Variants in CORO1C observed in about 807,000 individuals in gnomAD.
The protein encoded by CORO1C is coronin 1C, also known as coronin-1C.
CORO1C carries 14 observed loss-of-function variants against 51.2 expected under a neutral mutation model. The observed-to-expected ratio is 0.27, with a 90% CI of 0.18 to 0.43. The LOEUF (loss-of-function observed/expected upper bound fraction) is 0.43. Ranked by LOEUF, CORO1C falls within the 20% of genes least tolerant of loss-of-function variation. The pLI, the probability that CORO1C is intolerant of heterozygous loss-of-function variation, is 1.00. For missense variants in CORO1C, 417 were observed against 607.8 expected (o/e 0.69, Z 3.30); for synonymous variants, 181 against 210.5 (o/e 0.86, Z 1.21).
At chr12:108,648,893 GC>G (rs1318108823) in intron 9 of CORO1C, 43 bp from the exon 10 acceptor site, 5 of 1,612,270 alleles carry the variant, frequency 3.1e-6, no homozygotes, top group Non-Finnish European at 4.2e-6. Flanking sequence ...AAGAAGAAAG[GC>G]CTGGGATTTT....
chr12:108,695,767 A>G (rs987123486), intron 2 of CORO1C, among the ~76,000 whole-genome samples: 15 of 150,892 alleles, frequency 9.9e-5, no homozygotes. Flanking sequence ...TAAAGTCCTA[A>G]TGCTCTAATA....
chr12:108,703,422 A>T (rs2136867801), intron 1 of CORO1C, among the ~76,000 whole-genome samples: 1 of 152,344 alleles, frequency 6.6e-6, no homozygotes, highest in South Asian at 2.1e-4. Flanking sequence ...AAGCAGGTAA[A>T]AACATGAAAG....
chr12:108,729,364 T>C (rs1372913107), intron 1 of CORO1C, among the ~76,000 whole-genome samples: 1 of 152,082 alleles, frequency 6.6e-6, no homozygotes, highest in African/African-American at 2.4e-5. Context: ...AAAAAGTCAA[T>C]ATTGTGTGCA....
chr12:108,660,176 G>A (rs2033195898), intron 4 of CORO1C, among the ~76,000 whole-genome samples: 1 of 152,152 alleles, frequency 6.6e-6, no homozygotes, highest in Admixed American at 6.5e-5. Context: ...AACTGGCCGG[G>A]CACGGTGGCT....
intron 1 of CORO1C, among the ~76,000 whole-genome samples, chr12:108,705,744 C>G (rs2035010747): frequency 6.6e-6 from 1 of 151,944 alleles, no homozygotes; most frequent in Non-Finnish European, 1.5e-5. Flanking sequence ...CGAAATCAAG[C>G]AACACAGAAA....
At chr12:108,723,608 C>A (rs1406175501) in intron 1 of CORO1C, among the ~76,000 whole-genome samples, 1 of 152,200 alleles carries the variant, frequency 6.6e-6, no homozygotes, top group East Asian at 1.9e-4. Context: ...GGACCCACAC[C>A]CAGTTCCACA....
intron 3 of CORO1C, among the ~76,000 whole-genome samples, chr12:108,669,013 T>G (rs1363459214): frequency 6.6e-6 from 1 of 152,188 alleles, no homozygotes; most frequent in African/African-American, 2.4e-5. Context: ...GGAGTACAAT[T>G]TACACAACTG....
In CORO1C at chr12:108,702,826, C is replaced by T. The variant is rs146022156; in HGVS notation, c.-5-1503G>A. ...CAACGCATGTGTGAAAGTGGCCTCT[C>T]TCCAATGCTGGGGGCATGTAGCCGG... On this transcript the variant is annotated intron_variant, in intron 1 of 10. Coordinates refer to ENST00000261401, the MANE Select transcript of CORO1C (RefSeq NM_014325.4). 656 of 1,534,460 alleles carry T rather than the reference C, an allele frequency of 4.3e-4. 3 individuals carry two copies. The African/African-American group carries it at 8.2e-3, about 19-fold the overall frequency.
intron 4 of CORO1C, among the ~76,000 whole-genome samples, chr12:108,660,333 C>T (rs965458152): frequency 6.6e-6 from 1 of 151,890 alleles, no homozygotes; most frequent in African/African-American, 2.4e-5. Flanking sequence ...TGCCTGTAGT[C>T]CCAGCTACTT....
chr12:108,701,358 T>G, intron 1 of CORO1C, 35 bp from the exon 2 acceptor site: 3 of 1,613,368 alleles, frequency 1.9e-6, no homozygotes, highest in African/African-American at 1.3e-5. Flanking sequence ...GTTAGAATTA[T>G]GCACCAAACT....
At chr12:108,718,164 T>C (rs930691344) in intron 1 of CORO1C, among the ~76,000 whole-genome samples, 1 of 152,168 alleles carries the variant, frequency 6.6e-6, no homozygotes, top group South Asian at 2.1e-4. Flanking sequence ...CCACCCTGGC[T>C]AACACGTTAA....
At chr12:108,651,440 T>C (rs2032650268) in intron 8 of CORO1C, among the ~76,000 whole-genome samples, 1 of 152,310 alleles carries the variant, frequency 6.6e-6, no homozygotes, top group Admixed American at 6.5e-5. Context: ...TCAGAAGTAG[T>C]ACAGAGAGGT....
intron 1 of CORO1C, among the ~76,000 whole-genome samples, chr12:108,719,053 C>T (rs1340524334): frequency 6.6e-6 from 1 of 152,218 alleles, no homozygotes; most frequent in Non-Finnish European, 1.5e-5. Flanking sequence ...AAGCTTTTAT[C>T]AGCTGTAGCT....
intron 3 of CORO1C, among the ~76,000 whole-genome samples, chr12:108,677,738 C>G (rs2033957728): frequency 6.6e-6 from 1 of 152,170 alleles, no homozygotes; most frequent in Non-Finnish European, 1.5e-5. Flanking sequence ...AGCACATACA[C>G]AAACACACTC....
chr12:108,674,838 C>T (rs1010844009), intron 3 of CORO1C, among the ~76,000 whole-genome samples: 7 of 152,184 alleles, frequency 4.6e-5, no homozygotes, highest in African/African-American at 1.4e-4. Context: ...GAATGTACTC[C>T]TGGTAACGAC....
At chr12:108,693,730 T>A (rs1460580146) in intron 2 of CORO1C, among the ~76,000 whole-genome samples, 1 of 152,224 alleles carries the variant, frequency 6.6e-6, no homozygotes, top group Non-Finnish European at 1.5e-5. Context: ...GAAGGAGGAA[T>A]GTGCCTACCA....
At chr12:108,657,248 T>A in intron 6 of CORO1C, 56 bp downstream of exon 6, 1 of 1,585,668 alleles carries the variant, frequency 6.3e-7, no homozygotes, top group Non-Finnish European at 8.6e-7. Flanking sequence ...GAAGACCTGC[T>A]CAGAACAGAG....
intron 1 of CORO1C, among the ~76,000 whole-genome samples, chr12:108,714,232 T>C (rs970306526): frequency 6.6e-6 from 1 of 151,364 alleles, no homozygotes; most frequent in Non-Finnish European, 1.5e-5. Context: ...CTACTAAAAA[T>C]ACAAAAATTA....
chr12:108,703,065 G>T, intron 1 of CORO1C: 2 of 1,022,890 alleles, frequency 2.0e-6, no homozygotes, highest in Non-Finnish European at 1.4e-6. Context: ...ATGAGGTGGT[G>T]AAAAGCAAAA....
Sources: gnomAD v4.1 joint callset for allele counts (sites outside exome capture counted in the v4.1 genomes callset) on GRCh38, gnomAD v4.1.1 for gene constraint, MANE v1.5 for transcripts, NCBI Gene and HGNC (gene_info 2026-07-23, HGNC 2026-07-21) for gene names.